GALNT10: variants seen among roughly 807,000 people sequenced by gnomAD.
The protein encoded by GALNT10 is GalNAc transferase 10.
In GALNT10, 41 loss-of-function variants were observed where a neutral mutation model predicts 75.0. That is an observed-to-expected ratio of 0.55 (90% CI 0.43 to 0.71). The LOEUF (loss-of-function observed/expected upper bound fraction) is 0.71. Among genes scored for constraint, GALNT10 ranks in the 30% least tolerant of loss-of-function variants. GALNT10 has a pLI of 0.00. For synonymous variants in GALNT10, 302 were observed against 313.0 expected, an observed-to-expected ratio of 0.96 and a Z score of 0.37; for missense variants, 727 against 818.5, an observed-to-expected ratio of 0.89 and a Z score of 1.36.
At chr5:154,378,601 A>T (rs1438459144) in intron 5 of GALNT10, among the ~76,000 whole-genome samples, 1 of 152,082 alleles carries the variant, frequency 6.6e-6, no homozygotes, top group Non-Finnish European at 1.5e-5. Flanking sequence ...CCATCATCCC[A>T]CTTGGACCTC....
intron 4 of GALNT10, among the ~76,000 whole-genome samples, chr5:154,364,682 T>G (rs558305200): frequency 1.3e-4 from 20 of 152,224 alleles, no homozygotes; most frequent in African/African-American, 4.6e-4. Flanking sequence ...TGGAAGGATT[T>G]TTTTTTCTTT....
Position 154,415,783 on chromosome 5 carries a change from G to A in GALNT10, c.1504G>A (p.Val502Ile). ...RGEAAWNNMQVFTFTWREDIR... is the reference protein window; with the variant it reads ...RGEAAWNNMQIFTFTWREDIR... ...CTATTTATGATGCCCCTGTGCACAG[G>A]TATTCACCTTCACCTGGAGAGAGGA... The change falls in exon 11 of 12, where the codon GTA becomes ATA. Residue 502 changes from valine (V) to isoleucine (I), a missense_variant and splice_region_variant. Coordinates refer to ENST00000297107, the MANE Select transcript of GALNT10 (RefSeq NM_198321.4). 6.2e-7 allele frequency: 1 copy of A among 1,614,022 alleles called. No individual in the cohort carries two copies. The highest frequency in any genetic ancestry group is 8.5e-7 in the Non-Finnish European group (1 of 1,179,926).
intron 4 of GALNT10, among the ~76,000 whole-genome samples, chr5:154,354,684 G>T (rs1454616871): frequency 6.6e-6 from 1 of 152,152 alleles, no homozygotes; most frequent in African/African-American, 2.4e-5. Context: ...GGGTGGGGGG[G>T]TATCGTTGGG....
chr5:154,310,325 T>C (rs1348610114), intron 3 of GALNT10, among the ~76,000 whole-genome samples: 1 of 151,974 alleles, frequency 6.6e-6, no homozygotes, highest in Admixed American at 6.6e-5. Context: ...CCTGTTTTGG[T>C]AGGTTGTTAG....
In GALNT10 at chr5:154,412,730, C is replaced by A; in HGVS notation, c.1387-159C>A. The A allele has an allele frequency of 1.5e-6, 1 of 678,660 alleles. No individual in the cohort carries two copies. Among genetic ancestry groups the A allele is most frequent in the Non-Finnish European group, 2.7e-6 (1 of 374,122 alleles). The allele number at this position is 678,660 out of a possible 1,614,324, so 42.0% of individuals were successfully genotyped here. On this transcript the variant is annotated intron_variant, in intron 9 of 11. Transcript: ENST00000297107. The surrounding 1 kb of genome is among the most constrained non-coding windows in gnomAD (Gnocchi z 4.2). ...GACTGAGTCTTCCTTCATTGAGAGGCTCAAGGTACTTCCAACAGCCCAGGG... is the reference window on the plus strand; with the variant it reads ...GACTGAGTCTTCCTTCATTGAGAGGATCAAGGTACTTCCAACAGCCCAGGG...
At chr5:154,345,021 G>A (rs544809463) in intron 4 of GALNT10, among the ~76,000 whole-genome samples, 4 of 152,198 alleles carry the variant, frequency 2.6e-5, no homozygotes, top group Non-Finnish European at 4.4e-5. Flanking sequence ...TGCAGCAGCA[G>A]AACTGTCCAC....
At chr5:154,267,271 G>C (rs1490555027) in intron 1 of GALNT10, among the ~76,000 whole-genome samples, 1 of 152,232 alleles carries the variant, frequency 6.6e-6, no homozygotes, top group Non-Finnish European at 1.5e-5. Context: ...AAGCTTCCCA[G>C]ATGCTCCTGC....
chr5:154,381,291 C>T (rs1006383410), intron 6 of GALNT10, among the ~76,000 whole-genome samples: 6 of 152,152 alleles, frequency 3.9e-5, no homozygotes, highest in African/African-American at 1.4e-4. Context: ...AACTCAGCCC[C>T]TTGCAGATGA....
At chr5:154,280,586 A>C (rs1754025589) in intron 1 of GALNT10, among the ~76,000 whole-genome samples, 3 of 152,184 alleles carry the variant, frequency 2.0e-5, no homozygotes, top group Admixed American at 1.3e-4. Flanking sequence ...ATGTTTTGCA[A>C]ATATATTCTC....
intron 1 of GALNT10, among the ~76,000 whole-genome samples, chr5:154,219,828 T>G (rs1314579913): frequency 6.5e-5 from 5 of 76,602 alleles, no homozygotes; most frequent in Non-Finnish European, 1.7e-4. Flanking sequence ...TCTCTCTCTC[T>G]CTCTCTCTCT....
chr5:154,221,668 C>G (rs1253593035), intron 1 of GALNT10, among the ~76,000 whole-genome samples: 1 of 152,222 alleles, frequency 6.6e-6, no homozygotes, highest in Non-Finnish European at 1.5e-5. Context: ...CTCTCAGGCT[C>G]TAAGTATTGG....
intron 1 of GALNT10, among the ~76,000 whole-genome samples, chr5:154,199,183 T>C (rs1019605045): frequency 2.0e-5 from 3 of 152,164 alleles, no homozygotes; most frequent in Non-Finnish European, 2.9e-5. Context: ...TCACAATCCC[T>C]AGGGAGCCTG....
intron 1 of GALNT10, among the ~76,000 whole-genome samples, chr5:154,200,578 G>A (rs528352597): frequency 9.9e-5 from 15 of 152,282 alleles, no homozygotes; most frequent in South Asian, 2.1e-4. Context: ...GTGTATGTGT[G>A]TGTGTGTGCC....
chr5:154,237,961 C>T (rs185625567), intron 1 of GALNT10, among the ~76,000 whole-genome samples: 175 of 152,256 alleles, frequency 1.1e-3, no homozygotes, highest in Admixed American at 2.4e-3. Context: ...ATAAGCTGCC[C>T]TTGGCCTCCT....
At chr5:154,411,599 C>T (rs554078086) in intron 9 of GALNT10, among the ~76,000 whole-genome samples, 1 of 152,344 alleles carries the variant, frequency 6.6e-6, no homozygotes, top group East Asian at 1.9e-4. Flanking sequence ...GTGATTTGCT[C>T]AAATTCACAC....
At chr5:154,395,948 C>A (rs1756008885) in intron 7 of GALNT10, among the ~76,000 whole-genome samples, 1 of 152,196 alleles carries the variant, frequency 6.6e-6, no homozygotes, top group Non-Finnish European at 1.5e-5. Flanking sequence ...CCTGCAGGTG[C>A]TTCCGATGAG....
At chr5:154,288,871 G>A (rs1350527507) in intron 1 of GALNT10, among the ~76,000 whole-genome samples, 1 of 152,122 alleles carries the variant, frequency 6.6e-6, no homozygotes. Context: ...TGTTGTTAAT[G>A]GTCTTGTGGC....
intron 1 of GALNT10, chr5:154,218,143 T>C: frequency 2.0e-6 from 2 of 984,944 alleles, no homozygotes; most frequent in East Asian, 1.1e-4. Flanking sequence ...GGAGTGGGCA[T>C]TTTCAGGTGG....
At chr5:154,408,388 T>A (rs1756327120) in intron 8 of GALNT10, among the ~76,000 whole-genome samples, 1 of 151,742 alleles carries the variant, frequency 6.6e-6, no homozygotes. Flanking sequence ...AACCGAAGAG[T>A]TAAAATTGGG....
Sources: allele counts gnomAD v4.1 joint callset (sites outside exome capture counted in the v4.1 genomes callset), GRCh38; gene constraint gnomAD v4.1.1; non-coding constraint Gnocchi (gnomAD v3.1); transcripts MANE v1.5; gene names NCBI Gene and HGNC (gene_info 2026-07-23, HGNC 2026-07-21).